Variants in MFSD11 observed in about 807,000 individuals in gnomAD.
MFSD11 encodes the protein major facilitator superfamily domain containing 11, also known as UNC93-like protein MFSD11.
Under a neutral mutation model 53.5 loss-of-function variants are expected in MFSD11, and 36 were observed. The ratio of observed to expected loss-of-function variants is 0.67; its 90% CI spans 0.52 to 0.89. The LOEUF is 0.89. Ranked by LOEUF, MFSD11 falls within the 40% of genes least tolerant of loss-of-function variation. The pLI is 0.00. For synonymous variants in MFSD11, 186 were observed against 184.9 expected, an observed-to-expected ratio of 1.01 and a Z score of -0.05; for missense variants, 530 against 543.9, an observed-to-expected ratio of 0.97 and a Z score of 0.25.
chr17:76,800,338 T>C, the MFSD11 span, among the ~76,000 whole-genome samples: 5,024 of 152,250 alleles, frequency 0.033, 119 homozygotes, highest in Middle Eastern at 0.068. Context: ...AGTGGTATCC[T>C]TAAGGGAGGT....
chr17:76,793,742 T>C, the MFSD11 span, among the ~76,000 whole-genome samples: 2 of 151,592 alleles, frequency 1.3e-5, no homozygotes, highest in African/African-American at 2.4e-5. Context: ...ATAAAAGTGT[T>C]AATTTGGGGA....
chr17:76,749,795 T>A (rs1012132684), intron 7 of MFSD11, among the ~76,000 whole-genome samples: 2 of 148,498 alleles, frequency 1.3e-5, no homozygotes, highest in African/African-American at 5.0e-5. Flanking sequence ...GAGGCTGAGG[T>A]AGGAGAATCG....
chr17:76,761,479 A>C (rs544114239), intron 8 of MFSD11, among the ~76,000 whole-genome samples: 1 of 152,332 alleles, frequency 6.6e-6, no homozygotes, highest in African/African-American at 2.4e-5. Context: ...TATCTCTGTG[A>C]ATGTTCAAAA....
At position 76,778,438 on chromosome 17, in the gene MFSD11, T is replaced by G. The variant is rs759263349; in HGVS notation, c.*86T>G. ...GGAAGAAGTCGCCTTTGATCTTCACTATATATTGGGTGATGTTCAGTATGG... is the reference window on the plus strand; with the variant it reads ...GGAAGAAGTCGCCTTTGATCTTCACGATATATTGGGTGATGTTCAGTATGG... On this transcript the variant is annotated 3_prime_UTR_variant, in exon 13 of 13. Coordinates refer to ENST00000685175, the MANE Select transcript of MFSD11 (RefSeq NM_001242532.5). 57 of 1,325,484 alleles carry G rather than the reference T, an allele frequency of 4.3e-5. No individual in the cohort carries two copies. The highest frequency in any genetic ancestry group is 6.1e-5 in the Non-Finnish European group (57 of 935,980). 82.1% of individuals were successfully genotyped at this position (1,325,484 alleles called of 1,614,324 possible).
intron 8 of MFSD11, among the ~76,000 whole-genome samples, chr17:76,765,212 C>A (rs1174803038): frequency 3.3e-5 from 5 of 151,968 alleles, no homozygotes; most frequent in Non-Finnish European, 7.4e-5. Flanking sequence ...CAGCTTTATT[C>A]TTTTGCATGT....
downstream of MFSD11, among the ~76,000 whole-genome samples, chr17:76,786,323 T>G (rs948737964): frequency 7.9e-5 from 12 of 151,880 alleles, no homozygotes; most frequent in South Asian, 4.1e-4. Flanking sequence ...TTTTGTATTT[T>G]TAGTAGAGAC....
At chr17:76,737,677 C>T (rs1326285305), upstream of MFSD11, 2 of 181,802 alleles carry the variant, frequency 1.1e-5, no homozygotes, top group Admixed American at 6.1e-5. Context: ...CAAGTTCACG[C>T]CCCTTTTTTG....
chr17:76,795,528 G>A, the MFSD11 span, among the ~76,000 whole-genome samples: 1 of 152,000 alleles, frequency 6.6e-6, no homozygotes, highest in African/African-American at 2.4e-5. Flanking sequence ...GAAGATGTGT[G>A]TAGGTTATAT....
chr17:76,790,250 A>G, the MFSD11 span, among the ~76,000 whole-genome samples: 18 of 147,462 alleles, frequency 1.2e-4, no homozygotes, highest in Non-Finnish European at 2.4e-4. Flanking sequence ...TATTTTTAGT[A>G]GAGACAGGGT....
At chr17:76,744,300 G>T in intron 6 of MFSD11, 22 bp from the exon 7 acceptor site, 1 of 1,598,782 alleles carries the variant, frequency 6.3e-7, no homozygotes. Flanking sequence ...ATACTATCTT[G>T]TTTCTTCTTT....
chr17:76,775,245 A>G (rs570201048), intron 11 of MFSD11, 74 bp downstream of exon 11: 2 of 1,411,464 alleles, frequency 1.4e-6, no homozygotes, highest in South Asian at 1.3e-5. Context: ...CTGAAAGTGG[A>G]GCAGTTAATC....
upstream of MFSD11, chr17:76,737,367 C>T: frequency 1.7e-6 from 1 of 585,278 alleles, no homozygotes; most frequent in Non-Finnish European, 2.8e-6. Flanking sequence ...GTTTATATCG[C>T]TCCTCACAAA....
At chr17:76,773,562 T>C (rs1264889324) in intron 10 of MFSD11, among the ~76,000 whole-genome samples, 6 of 152,234 alleles carry the variant, frequency 3.9e-5, no homozygotes, top group Non-Finnish European at 4.4e-5. Flanking sequence ...GCCCATTTTC[T>C]AGGCAGGGTT....
At chr17:76,774,536 G>C (rs1044150179) in intron 10 of MFSD11, among the ~76,000 whole-genome samples, 7 of 152,190 alleles carry the variant, frequency 4.6e-5, no homozygotes, top group African/African-American at 1.4e-4. Context: ...AGATATCCTA[G>C]CTGTTCTGGC....
At chr17:76,745,505 T>A (rs1404774995) in intron 7 of MFSD11, 1 of 152,248 alleles carries the variant, frequency 6.6e-6, no homozygotes, top group African/African-American at 2.4e-5. Context: ...TCTGTCACAT[T>A]TTGGTAATTC....
At chr17:76,762,377 C>T (rs1390509049) in intron 8 of MFSD11, among the ~76,000 whole-genome samples, 1 of 152,200 alleles carries the variant, frequency 6.6e-6, no homozygotes, top group South Asian at 2.1e-4. Flanking sequence ...AGTACACTGA[C>T]ACACAGATAT....
At chr17:76,801,101 G>A in the MFSD11 span, among the ~76,000 whole-genome samples, 1 of 151,188 alleles carries the variant, frequency 6.6e-6, no homozygotes, top group Non-Finnish European at 1.5e-5. Flanking sequence ...ATAAAAGAAT[G>A]GCTACTCCAG....
intron 10 of MFSD11, among the ~76,000 whole-genome samples, chr17:76,770,912 G>A (rs1486426605): frequency 6.6e-6 from 1 of 152,178 alleles, no homozygotes; most frequent in Non-Finnish European, 1.5e-5. Flanking sequence ...ACATAGGCAT[G>A]CTTGATTAAA....
chr17:76,787,535 G>A, the MFSD11 span, among the ~76,000 whole-genome samples: 4 of 150,308 alleles, frequency 2.7e-5, no homozygotes, highest in South Asian at 6.5e-4. Flanking sequence ...TTGCAATATG[G>A]CCTAAGTGTC....
Sources: gnomAD v4.1 joint callset for allele counts (sites outside exome capture counted in the v4.1 genomes callset) on GRCh38, gnomAD v4.1.1 for gene constraint, MANE v1.5 for transcripts, NCBI Gene and HGNC (gene_info 2026-07-23, HGNC 2026-07-21) for gene names.